GHR: variants seen among roughly 807,000 people sequenced by gnomAD.
The protein encoded by GHR is GH receptor.
Under a neutral mutation model 67.1 loss-of-function variants are expected in GHR, and 35 were observed. The ratio of observed to expected loss-of-function variants is 0.52; its 90% CI spans 0.40 to 0.69. The LOEUF is 0.69. Among genes scored for constraint, GHR ranks in the 30% least tolerant of loss-of-function variants. The pLI is 0.00. For missense variants in GHR, 792 were observed against 764.6 expected (o/e 1.04, Z -0.42); for synonymous variants, 272 against 269.1 (o/e 1.01, Z -0.10).
intron 1 of GHR, among the ~76,000 whole-genome samples, chr5:42,475,944 C>CG (rs199568583): frequency 0.47 from 69,922 of 149,064 alleles, 16,951 homozygotes; most frequent in African/African-American, 0.54. Context: ...CTCGCTCTGT[C>CG]ACCAGGCTGG....
At chr5:42,625,582 T>G (rs1753661774) in intron 2 of GHR, among the ~76,000 whole-genome samples, 1 of 152,076 alleles carries the variant, frequency 6.6e-6, no homozygotes, top group African/African-American at 2.4e-5. Flanking sequence ...TAGGGAGGCA[T>G]AAGACATCAA....
intron 3 of GHR, among the ~76,000 whole-genome samples, chr5:42,673,550 A>T (rs1016883918): frequency 7.2e-5 from 11 of 152,352 alleles, no homozygotes; most frequent in Admixed American, 3.9e-4. Flanking sequence ...GGATTGGATT[A>T]AAAAATGTGG....
chr5:42,576,301 A>G (rs1000300640), intron 2 of GHR, among the ~76,000 whole-genome samples: 1 of 151,972 alleles, frequency 6.6e-6, no homozygotes, highest in Non-Finnish European at 1.5e-5. Context: ...AAAGGCTTCA[A>G]TGAGGTAACA....
At chr5:42,486,858 A>G (rs936781408) in intron 1 of GHR, among the ~76,000 whole-genome samples, 2 of 152,184 alleles carry the variant, frequency 1.3e-5, no homozygotes, top group South Asian at 2.1e-4. Flanking sequence ...AAAAAAAAAA[A>G]AAAAAGAAAC....
At chr5:42,486,432 C>T (rs1745881451) in intron 1 of GHR, among the ~76,000 whole-genome samples, 1 of 152,168 alleles carries the variant, frequency 6.6e-6, no homozygotes, top group African/African-American at 2.4e-5. Flanking sequence ...ATTTAAGATA[C>T]ATCTAATGAT....
intron 1 of GHR, chr5:42,549,770 A>T: frequency 5.5e-6 from 3 of 541,642 alleles, no homozygotes; most frequent in Non-Finnish European, 7.1e-6. Context: ...TTTGAAACAG[A>T]GGCTATAAAT....
intron 1 of GHR, among the ~76,000 whole-genome samples, chr5:42,525,162 T>C (rs1359089710): frequency 6.6e-6 from 1 of 152,124 alleles, no homozygotes; most frequent in East Asian, 1.9e-4. Flanking sequence ...TGCACTGTGC[T>C]GCTGGAAAAG....
chr5:42,543,327 G>C (rs898112931), intron 1 of GHR, among the ~76,000 whole-genome samples: 1 of 151,808 alleles, frequency 6.6e-6, no homozygotes, highest in Non-Finnish European at 1.5e-5. Context: ...TTTTGTTTTT[G>C]TCTTTTTATA....
chr5:42,672,020 G>A (rs1002328414), intron 3 of GHR, among the ~76,000 whole-genome samples: 6 of 150,816 alleles, frequency 4.0e-5, no homozygotes, highest in African/African-American at 1.5e-4. Context: ...AGAGCCATCT[G>A]TGACAAACCC....
intron 1 of GHR, among the ~76,000 whole-genome samples, chr5:42,502,453 G>C (rs2112235124): frequency 6.6e-6 from 1 of 152,266 alleles, no homozygotes; most frequent in South Asian, 2.1e-4. Context: ...ACACATGACT[G>C]TGTAATATCA....
chr5:42,469,783 T>C lies in GHR; in HGVS notation c.-12+45828T>C, dbSNP rs142662085. 4.8e-4 allele frequency among the ~76,000 whole-genome samples: 73 copies of C among 152,304 alleles called. No homozygotes were observed. The East Asian group carries it at 0.013, about 27-fold the overall frequency. On this transcript the variant is annotated intron_variant, in intron 1 of 9. Transcript: ENST00000230882. ...TGCCAGAACAAAAGCATAAGCTGTG[T>C]TTCTCAAGTTTGGACTTTACCTGGG...
intron 1 of GHR, among the ~76,000 whole-genome samples, chr5:42,425,247 A>G (rs1301679183): frequency 6.6e-6 from 1 of 152,182 alleles, no homozygotes; most frequent in Non-Finnish European, 1.5e-5. Flanking sequence ...GGAGACAGAC[A>G]CAGGTTGGAG....
intron 3 of GHR, among the ~76,000 whole-genome samples, chr5:42,661,149 G>A (rs149312552): frequency 0.078 from 11,915 of 152,198 alleles, 544 homozygotes; most frequent in Middle Eastern, 0.15. Flanking sequence ...GAAATTGACG[G>A]GGAGAATGGA....
chr5:42,470,122 AAT>A (rs1579759902), intron 1 of GHR, among the ~76,000 whole-genome samples: 3 of 143,382 alleles, frequency 2.1e-5, no homozygotes, highest in East Asian at 1.9e-4. Flanking sequence ...ATATTATATT[AAT>A]ATATGTTATT....
intron 1 of GHR, among the ~76,000 whole-genome samples, chr5:42,509,191 C>T (rs1277076220): frequency 6.6e-6 from 1 of 152,188 alleles, no homozygotes; most frequent in African/African-American, 2.4e-5. Context: ...CATCTATACC[C>T]TGCCTACACC....
intron 3 of GHR, among the ~76,000 whole-genome samples, chr5:42,666,520 A>G (rs192499282): frequency 1.3e-5 from 2 of 152,324 alleles, no homozygotes; most frequent in Admixed American, 1.3e-4. Flanking sequence ...TTTAGGAAAA[A>G]GATATTTTTC....
Position 42,565,914 on chromosome 5 carries a change from G to A in GHR, c.40G>A (p.Gly14Arg), listed in dbSNP as rs372245866. 204 of 1,613,992 alleles carry A rather than the reference G, an allele frequency of 1.3e-4. No homozygotes were observed. The highest frequency in any genetic ancestry group is 2.0e-4 in the African/African-American group (15 of 74,932). ...GCTGCTGTTGACCTTGGCACTGGCA[G>A]GATCAAGTGATGCTTTTTCTGGAAG... Reference protein sequence around the residue: ...WQLLLTLALAGSSDAFSGSEA... With the variant: ...WQLLLTLALARSSDAFSGSEA... Residue 14 changes from glycine to arginine, a missense_variant, in exon 2 of 10, where the codon GGA becomes AGA. Coordinates refer to ENST00000230882, the MANE Select transcript of GHR (RefSeq NM_000163.5).
chr5:42,526,284 G>GCCAAAT (rs1175933212), intron 1 of GHR, among the ~76,000 whole-genome samples: 1 of 152,144 alleles, frequency 6.6e-6, no homozygotes, highest in Admixed American at 6.6e-5. Flanking sequence ...TTAAGCCAAA[G>GCCAAAT]CCTAATCCAG....
chr5:42,691,505 T>C (rs1757420920), intron 4 of GHR, among the ~76,000 whole-genome samples: 1 of 152,190 alleles, frequency 6.6e-6, no homozygotes, highest in South Asian at 2.1e-4. Context: ...TTCTGACTCT[T>C]ATCACTGTTT....
Sources: allele counts gnomAD v4.1 joint callset (sites outside exome capture counted in the v4.1 genomes callset), GRCh38; gene constraint gnomAD v4.1.1; transcripts MANE v1.5; gene names NCBI Gene and HGNC (gene_info 2026-07-23, HGNC 2026-07-21).